Variants in ARHGAP42 observed in about 807,000 individuals in gnomAD.
ARHGAP42 encodes rho GTPase-activating protein 42.
Under a neutral mutation model 125.0 loss-of-function variants are expected in ARHGAP42, and 63 were observed. The observed-to-expected ratio is 0.50, with a 90% CI of 0.41 to 0.62. The LOEUF (loss-of-function observed/expected upper bound fraction) is 0.62, where lower values mean the gene tolerates loss of function less well. ARHGAP42 is among the 20% of genes least tolerant of loss of function. ARHGAP42 has a pLI of 0.00. For synonymous variants in ARHGAP42, 339 were observed against 351.0 expected (o/e 0.97, Z 0.38); for missense variants, 766 against 1,024.2 (o/e 0.75, Z 3.44).
Position 100,980,559 on chromosome 11 carries a change from C to CTTCTTTTTTTTTT in ARHGAP42, c.2456+1512_2456+1513insCTTTTTTTTTTTT, listed in dbSNP as rs1555037006. Among the ~76,000 whole-genome samples, 483 of 51,954 alleles carry CTTCTTTTTTTTTT rather than the reference C, an allele frequency of 9.3e-3. 68 individuals are homozygous for CTTCTTTTTTTTTT. The highest frequency in any genetic ancestry group is 0.013 in the Non-Finnish European group (335 of 26,028). The allele number at this position is 51,954 out of a possible 152,430, so 34.1% of individuals were successfully genotyped here. A position where few individuals can be genotyped will look rare whatever the true frequency, so the allele number is the denominator to read the frequency against. On this transcript the variant is annotated intron_variant, in intron 22 of 23. Transcript: ENST00000298815. ...TCAAATCATACTTCTTTTTCTTCTTCTTTTTTTTTTTTTTTTTTTTTTTTT... is the reference window on the plus strand; with the variant it reads ...TCAAATCATACTTCTTTTTCTTCTTCTTCTTTTTTTTTTTTTTTTTTTTTTTTTTTTTTTTTTT...
intron 3 of ARHGAP42, among the ~76,000 whole-genome samples, chr11:100,809,310 A>G (rs1864081875): frequency 6.6e-6 from 1 of 152,230 alleles, no homozygotes; most frequent in South Asian, 2.1e-4. Context: ...AAGGTCACTT[A>G]AAGACGCTTG....
chr11:100,858,490 A>T (rs1865376210), intron 3 of ARHGAP42, among the ~76,000 whole-genome samples: 1 of 152,048 alleles, frequency 6.6e-6, no homozygotes, highest in South Asian at 2.1e-4. Context: ...ATCTGTGTGC[A>T]TTTGTGTATT....
At chr11:100,919,297 G>A (rs971449975) in intron 5 of ARHGAP42, among the ~76,000 whole-genome samples, 3 of 152,046 alleles carry the variant, frequency 2.0e-5, no homozygotes, top group African/African-American at 7.2e-5. Context: ...TGCATAAACC[G>A]TATTGTTTGT....
intron 1 of ARHGAP42, among the ~76,000 whole-genome samples, chr11:100,716,179 C>T (rs79471915): frequency 2.6e-5 from 4 of 152,142 alleles, no homozygotes; most frequent in Admixed American, 2.0e-4. Context: ...GGACTTTTGC[C>T]TATCCTATAT....
chr11:100,923,970 A>C (rs1404388268), intron 6 of ARHGAP42, among the ~76,000 whole-genome samples: 4 of 152,156 alleles, frequency 2.6e-5, no homozygotes, highest in Admixed American at 2.6e-4. Flanking sequence ...ATGCATTTAC[A>C]AATTAATTTG....
intron 4 of ARHGAP42, among the ~76,000 whole-genome samples, chr11:100,904,619 C>G (rs985739295): frequency 6.6e-6 from 1 of 151,934 alleles, no homozygotes; most frequent in Non-Finnish European, 1.5e-5. Flanking sequence ...TTCTTTTGTC[C>G]TTTTTCTCCT....
At chr11:100,896,277 A>G (rs1866360696) in intron 4 of ARHGAP42, among the ~76,000 whole-genome samples, 1 of 152,130 alleles carries the variant, frequency 6.6e-6, no homozygotes, top group Non-Finnish European at 1.5e-5. Flanking sequence ...AGTCTTTTCT[A>G]TTGTGAATAG....
intron 1 of ARHGAP42, among the ~76,000 whole-genome samples, chr11:100,703,590 A>G (rs2068706101): frequency 6.6e-6 from 1 of 152,244 alleles, no homozygotes; most frequent in African/African-American, 2.4e-5. Context: ...ATAGGAAATG[A>G]TTATAAGATA....
intron 1 of ARHGAP42, among the ~76,000 whole-genome samples, chr11:100,696,965 T>A (rs1163366733): frequency 1.3e-5 from 2 of 152,054 alleles, no homozygotes; most frequent in African/African-American, 2.4e-5. Flanking sequence ...TTGTTAAGAA[T>A]GGGGAACCAT....
intron 1 of ARHGAP42, among the ~76,000 whole-genome samples, chr11:100,762,137 C>T (rs1862716307): frequency 6.6e-6 from 1 of 152,176 alleles, no homozygotes; most frequent in African/African-American, 2.4e-5. Context: ...ACTTAATATG[C>T]CTGCCAGAAG....
intron 1 of ARHGAP42, among the ~76,000 whole-genome samples, chr11:100,713,003 A>G (rs999192258): frequency 6.6e-6 from 1 of 152,202 alleles, no homozygotes; most frequent in East Asian, 1.9e-4. Flanking sequence ...TAAAATATAC[A>G]TATCCAAGTC....
rs76783711 is a variant in ARHGAP42, at chr11:100,708,549, C to T, written c.154+20717C>T. On this transcript the variant is annotated intron_variant, in intron 1 of 23. Coordinates refer to ENST00000298815, the MANE Select transcript of ARHGAP42 (RefSeq NM_152432.4). ...AAAACAAAAAACAAACAAAAAATCC[C>T]CCAAGAAATCAGCAAATAGTGGATA... 3.4e-3 allele frequency among the ~76,000 whole-genome samples: 518 copies of T among 151,876 alleles called. 6 individuals carry two copies. The highest frequency in any genetic ancestry group is 0.012 in the African/African-American group (497 of 41,426).
rs1216928562 is a variant in ARHGAP42, at chr11:100,943,822, G to T, written c.997G>T (p.Asp333Tyr). Reference protein sequence around the residue: ...KLKSCIRRKTDSIDKRFCFDI... With the variant: ...KLKSCIRRKTYSIDKRFCFDI... ...AAAATCTTGTATCCGACGAAAGACA[G>T]ATTCAATTGACAAACGATTCTGCTT... is the stretch of plus-strand genomic sequence containing the variant. Residue 333 changes from aspartate to tyrosine, a missense_variant, in exon 10 of 24, where the codon GAT becomes TAT. By Grantham distance (160) the Asp-to-Tyr change is radical. Transcript: ENST00000298815. 6.5e-7 allele frequency: 1 copy of T among 1,549,648 alleles called. No homozygotes were observed. The highest frequency in any genetic ancestry group is 2.0e-5 in the Admixed American group (1 of 50,912).
At chr11:100,891,239 G>A (rs1036206256) in intron 4 of ARHGAP42, among the ~76,000 whole-genome samples, 1 of 152,074 alleles carries the variant, frequency 6.6e-6, no homozygotes, top group Non-Finnish European at 1.5e-5. Context: ...ACAAAAGTTT[G>A]TGTGGCCCGT....
chr11:100,693,454 C>T (rs1216290657), intron 1 of ARHGAP42, among the ~76,000 whole-genome samples: 1 of 152,120 alleles, frequency 6.6e-6, no homozygotes, highest in Non-Finnish European at 1.5e-5. Flanking sequence ...AGCAGTTATA[C>T]TTGTGTTAAT....
At chr11:100,908,865 A>G (rs1426855213) in intron 4 of ARHGAP42, among the ~76,000 whole-genome samples, 1 of 152,220 alleles carries the variant, frequency 6.6e-6, no homozygotes, top group East Asian at 1.9e-4. Flanking sequence ...CCAGCAGGGT[A>G]TAATCATTCC....
intron 3 of ARHGAP42, among the ~76,000 whole-genome samples, chr11:100,798,360 ACTT>A (rs1296886040): frequency 6.6e-6 from 1 of 152,192 alleles, no homozygotes. Context: ...AATGCTACAG[ACTT>A]CATTGTTGTC....
chr11:100,918,065 G>T (rs1229495321), intron 5 of ARHGAP42, among the ~76,000 whole-genome samples: 2 of 152,030 alleles, frequency 1.3e-5, no homozygotes, highest in Non-Finnish European at 2.9e-5. Flanking sequence ...TGTTAATCTT[G>T]AATGTTGCTT....
chr11:100,793,206 C>T (rs1258960952), intron 2 of ARHGAP42, among the ~76,000 whole-genome samples: 1 of 152,166 alleles, frequency 6.6e-6, no homozygotes, highest in Non-Finnish European at 1.5e-5. Flanking sequence ...CCAACAGCTT[C>T]AGTGGCAGTA....
Sources: gnomAD v4.1 joint callset for allele counts (sites outside exome capture counted in the v4.1 genomes callset) on GRCh38, gnomAD v4.1.1 for gene constraint, MANE v1.5 for transcripts, NCBI Gene and HGNC (gene_info 2026-07-23, HGNC 2026-07-21) for gene names.